EYS: variants seen among roughly 807,000 people sequenced by gnomAD.
EYS encodes EGF-like photoreceptor maintenance factor.
In EYS, 250 loss-of-function variants were observed where a neutral mutation model predicts 282.1. That is an observed-to-expected ratio of 0.89 (90% CI 0.80 to 0.98). The LOEUF (loss-of-function observed/expected upper bound fraction) is 0.98. Ranked by LOEUF, EYS falls within the 50% of genes least tolerant of loss-of-function variation. The pLI is 0.00. For synonymous variants in EYS, 1,355 were observed against 1,282.9 expected (o/e 1.06, Z -1.20); for missense variants, 4,016 against 3,709.0 (o/e 1.08, Z -2.15).
chr6:65,086,027 CTTT>C (rs35717731), intron 12 of EYS, among the ~76,000 whole-genome samples: 1 of 137,576 alleles, frequency 7.3e-6, no homozygotes, highest in Non-Finnish European at 1.5e-5. Context: ...ACCTTCTCCT[CTTT>C]TTTTTTTTTT....
chr6:64,213,188 G>A (rs111764637), intron 31 of EYS, among the ~76,000 whole-genome samples: 4,535 of 152,134 alleles, frequency 0.03, 207 homozygotes, highest in African/African-American at 0.1. Flanking sequence ...GTTTACCTAT[G>A]TAACAAACCT....
At chr6:64,645,904 A>G (rs892616373) in intron 22 of EYS, among the ~76,000 whole-genome samples, 1 of 152,204 alleles carries the variant, frequency 6.6e-6, no homozygotes, top group African/African-American at 2.4e-5. Flanking sequence ...TAAATACTCT[A>G]AAAGAAATAC....
intron 35 of EYS, among the ~76,000 whole-genome samples, chr6:63,941,282 T>C (rs546224912): frequency 6.6e-6 from 1 of 152,328 alleles, no homozygotes; most frequent in East Asian, 1.9e-4. Context: ...ATGGTTGAGC[T>C]AGTTTACAGT....
At chr6:64,735,552 CTTAT>C (rs2149956155) in intron 22 of EYS, among the ~76,000 whole-genome samples, 1 of 152,188 alleles carries the variant, frequency 6.6e-6, no homozygotes, top group East Asian at 1.9e-4. Context: ...TATACTTTGT[CTTAT>C]TTAAGTATTT....
At chr6:64,830,908 C>G (rs9363265) in intron 19 of EYS, among the ~76,000 whole-genome samples, 20,549 of 151,892 alleles carry the variant, frequency 0.14, 1,711 homozygotes, top group East Asian at 0.44. Context: ...TTGAATTTTG[C>G]TTGGCCAAAG....
chr6:65,517,347 A>AAG (rs1554205545), intron 2 of EYS, among the ~76,000 whole-genome samples: 1 of 151,520 alleles, frequency 6.6e-6, no homozygotes, highest in Admixed American at 6.6e-5. Flanking sequence ...ACAACAAAAA[A>AAG]AAAACAAAAG....
chr6:64,158,587 C>T (rs1262209706), intron 31 of EYS, among the ~76,000 whole-genome samples: 1 of 152,068 alleles, frequency 6.6e-6, no homozygotes, highest in Non-Finnish European at 1.5e-5. Context: ...CAAGAGAATC[C>T]CTCTTTCTGA....
At chr6:64,334,045 C>T (rs1242202969) in intron 29 of EYS, among the ~76,000 whole-genome samples, 1 of 152,172 alleles carries the variant, frequency 6.6e-6, no homozygotes, top group Non-Finnish European at 1.5e-5. Flanking sequence ...CAAGGCCTTT[C>T]AGAACCAGGT....
At chr6:63,810,976 C>T (rs985967782) in intron 36 of EYS, among the ~76,000 whole-genome samples, 40 of 152,236 alleles carry the variant, frequency 2.6e-4, no homozygotes, top group African/African-American at 9.6e-4. Context: ...TGCCTTCCCT[C>T]TGCTGACAAG....
intron 12 of EYS, among the ~76,000 whole-genome samples, chr6:65,154,407 T>C (rs1581962405): frequency 6.6e-6 from 1 of 151,688 alleles, no homozygotes; most frequent in Admixed American, 6.6e-5. Flanking sequence ...CAATGTATTT[T>C]AATAGTTTTA....
intron 31 of EYS, among the ~76,000 whole-genome samples, chr6:64,097,142 T>A (rs1390827334): frequency 6.6e-6 from 1 of 152,150 alleles, no homozygotes; most frequent in East Asian, 1.9e-4. Context: ...CCCAGCCGTG[T>A]GAGATGTCAG....
intron 31 of EYS, among the ~76,000 whole-genome samples, chr6:64,226,029 G>T (rs755516183): frequency 1.3e-5 from 2 of 152,010 alleles, no homozygotes; most frequent in African/African-American, 4.8e-5. Context: ...CCTGTTTCTT[G>T]GTCCTTTTCT....
intron 5 of EYS, among the ~76,000 whole-genome samples, chr6:65,467,087 A>AT (rs367800101): frequency 6.6e-6 from 1 of 152,286 alleles, no homozygotes; most frequent in East Asian, 1.9e-4. Flanking sequence ...CACCCACCTA[A>AT]TAGCTAAAAA....
intron 11 of EYS, among the ~76,000 whole-genome samples, chr6:65,333,336 A>C (rs1212537681): frequency 6.6e-6 from 1 of 151,630 alleles, no homozygotes; most frequent in African/African-American, 2.4e-5. Context: ...TGTAATTGTA[A>C]ATTTATCAAG....
chr6:63,926,783 A>G (rs1236972991), intron 35 of EYS, among the ~76,000 whole-genome samples: 2 of 152,216 alleles, frequency 1.3e-5, no homozygotes, highest in African/African-American at 2.4e-5. Context: ...CTTAAAACAT[A>G]AGGAAAGTTA....
intron 12 of EYS, among the ~76,000 whole-genome samples, chr6:65,144,609 A>C (rs1464452095): frequency 6.6e-6 from 1 of 151,950 alleles, no homozygotes; most frequent in East Asian, 1.9e-4. Flanking sequence ...TTTACAAAAA[A>C]CTCTTACTTT....
At chr6:65,114,692 T>C (rs990994483) in intron 12 of EYS, among the ~76,000 whole-genome samples, 2 of 151,952 alleles carry the variant, frequency 1.3e-5, no homozygotes, top group African/African-American at 4.8e-5. Context: ...TGAAGTTATT[T>C]ATCCCTCTTT....
intron 23 of EYS, among the ~76,000 whole-genome samples, chr6:64,621,883 T>G (rs538211178): frequency 6.6e-6 from 1 of 152,210 alleles, no homozygotes; most frequent in Non-Finnish European, 1.5e-5. Context: ...TCCCTATCAC[T>G]TTCAATTTGC....
chr6:65,499,389 A>T (rs572939097), intron 2 of EYS, among the ~76,000 whole-genome samples: 1 of 152,148 alleles, frequency 6.6e-6, no homozygotes, highest in Non-Finnish European at 1.5e-5. Flanking sequence ...GATGGATGTA[A>T]TTTATTTCTA....
Sources: gnomAD v4.1 joint callset for allele counts (sites outside exome capture counted in the v4.1 genomes callset) on GRCh38, gnomAD v4.1.1 for gene constraint, MANE v1.5 for transcripts, NCBI Gene and HGNC (gene_info 2026-07-23, HGNC 2026-07-21) for gene names.